ZNF365: variants seen among roughly 807,000 people sequenced by gnomAD.
ZNF365 encodes zinc finger protein 365.
Under a neutral mutation model 35.0 loss-of-function variants are expected in ZNF365, and 22 were observed. The ratio of observed to expected loss-of-function variants is 0.63; its 90% CI spans 0.45 to 0.90. ZNF365 has a LOEUF of 0.90. ZNF365 is among the 40% of genes least tolerant of loss of function. ZNF365 has a pLI of 0.00. For missense variants in ZNF365, 448 were observed against 500.3 expected (o/e 0.90, Z 1.00); for synonymous variants, 188 against 196.2 (o/e 0.96, Z 0.35).
At position 62,459,754 on chromosome 10, in the gene ZNF365, C is replaced by T. The variant is rs768046057; in HGVS notation, c.938C>T (p.Ala313Val). 2.5e-6 allele frequency: 4 copies of T among 1,610,324 alleles called. No homozygotes were observed. In the African/African-American group the frequency reaches 5.3e-5, roughly 22 times the overall value. ...TTTTCCTTTCAGAGCTGGAAAGGTG[C>T]TGGCGAAGCTCGCCTGGTGTGCCAA... is the stretch of plus-strand genomic sequence containing the variant. The change falls in exon 4 of 5, where the codon GCT (alanine) becomes GTT (valine). Residue 313 changes from alanine to valine, a missense_variant. Transcript: ENST00000395255.
intron 2 of ZNF365, among the ~76,000 whole-genome samples, chr10:62,378,075 C>T (rs867821638): frequency 7.9e-5 from 12 of 152,134 alleles, no homozygotes; most frequent in Non-Finnish European, 8.8e-5. Flanking sequence ...TTTTAAATTA[C>T]GTAGTTAGGA....
chr10:62,456,083 T>C (rs893991089), intron 3 of ZNF365, among the ~76,000 whole-genome samples: 2 of 152,174 alleles, frequency 1.3e-5, no homozygotes, highest in Non-Finnish European at 2.9e-5. Context: ...TTCAATCTAG[T>C]ACAGTAGCCA....
At chr10:62,434,721 A>G (rs1840381859) in intron 3 of ZNF365, among the ~76,000 whole-genome samples, 3 of 152,192 alleles carry the variant, frequency 2.0e-5, no homozygotes, top group Admixed American at 2.0e-4. Context: ...TCAGAACAAA[A>G]TTAGTGTTGT....
At chr10:62,476,671 A>C (rs1841137052) in intron 4 of ZNF365, among the ~76,000 whole-genome samples, 2 of 152,254 alleles carry the variant, frequency 1.3e-5, no homozygotes, top group African/African-American at 4.8e-5. Context: ...TCTAGAGAAA[A>C]AAGTGAAATG....
At chr10:62,404,083 C>G (rs1215602572), downstream of ZNF365, among the ~76,000 whole-genome samples, 2 of 152,006 alleles carry the variant, frequency 1.3e-5, no homozygotes, top group African/African-American at 4.8e-5. Flanking sequence ...AACTATAGCC[C>G]TATGTTAAAT....
At chr10:62,439,764 A>G (rs1186913248) in intron 3 of ZNF365, among the ~76,000 whole-genome samples, 1 of 152,142 alleles carries the variant, frequency 6.6e-6, no homozygotes, top group Non-Finnish European at 1.5e-5. Context: ...TATATCTTCT[A>G]TTACTTAATT....
intron 3 of ZNF365, among the ~76,000 whole-genome samples, chr10:62,435,884 C>A (rs1224931807): frequency 6.6e-6 from 1 of 152,126 alleles, no homozygotes; most frequent in African/African-American, 2.4e-5. Context: ...TAGCAAAAGA[C>A]TAGTTGTATA....
At chr10:62,467,846 C>T (rs1253456141) in intron 4 of ZNF365, among the ~76,000 whole-genome samples, 3 of 152,136 alleles carry the variant, frequency 2.0e-5, no homozygotes, top group African/African-American at 7.2e-5. Context: ...CTGTGGCACT[C>T]AGCTGCTCAG....
rs563249556 is a variant in ZNF365, at chr10:62,410,424, C to T, written c.924+21848C>T. ...TAGGGTACATGTGCAGGATTTGTTA[C>T]ACAGGTAAACATGTGCCATGGTGGT... On this transcript the variant is annotated intron_variant, in intron 3 of 4. Transcript: ENST00000395255. Among the ~76,000 whole-genome samples the T allele has an allele frequency of 8.5e-5, 13 of 152,246 alleles. No individual in the cohort carries two copies. In the East Asian group the frequency reaches 2.1e-3, roughly 25 times the overall value.
At chr10:62,410,574 T>C (rs1839970986) in intron 3 of ZNF365, among the ~76,000 whole-genome samples, 1 of 152,098 alleles carries the variant, frequency 6.6e-6, no homozygotes, top group South Asian at 2.1e-4. Flanking sequence ...TGTCTATGTG[T>C]TCATATTGTT....
At chr10:62,471,535 G>A (rs1384356755) in intron 4 of ZNF365, among the ~76,000 whole-genome samples, 2 of 152,162 alleles carry the variant, frequency 1.3e-5, no homozygotes, top group Non-Finnish European at 2.9e-5. Context: ...ACTTGGAATA[G>A]CGAAAGGCAG....
At chr10:62,435,346 C>G (rs1840391682) in intron 3 of ZNF365, among the ~76,000 whole-genome samples, 1 of 152,138 alleles carries the variant, frequency 6.6e-6, no homozygotes. Context: ...ACTTAACCTT[C>G]TGAATAATAC....
At chr10:62,404,725 T>A (rs184129916), downstream of ZNF365, among the ~76,000 whole-genome samples, 1 of 152,198 alleles carries the variant, frequency 6.6e-6, no homozygotes, top group African/African-American at 2.4e-5. Context: ...GGGTTGGGAA[T>A]TGGGCTGGGT....
intron 3 of ZNF365, among the ~76,000 whole-genome samples, chr10:62,431,472 A>G (rs1840332893): frequency 6.6e-6 from 1 of 152,054 alleles, no homozygotes; most frequent in Non-Finnish European, 1.5e-5. Context: ...TTTTTTTAAC[A>G]GCAACATAGT....
rs749539107 is a variant in ZNF365, at chr10:62,400,385, G to A, written c.*596G>A. 137 of 986,038 alleles carry A rather than the reference G, an allele frequency of 1.4e-4. No homozygotes were observed. Among genetic ancestry groups the A allele is most frequent in the Non-Finnish European group, 1.5e-4 (126 of 830,100 alleles). The allele number at this position is 986,038 out of a possible 1,614,324, so 61.1% of individuals were successfully genotyped here. A position where few individuals can be genotyped will look rare whatever the true frequency, so the allele number is the denominator to read the frequency against. On this transcript the variant is annotated 3_prime_UTR_variant, in exon 5 of 5. Coordinates refer to ENST00000395254, the MANE Select transcript of ZNF365 (RefSeq NM_014951.3). The stretch of plus-strand genomic sequence containing the variant: ...TCAGTCAGACTTCAGTTCTCATTCC[G>A]ACAGGGTGTCTTTCAGTTCGTTTGT...
At chr10:62,459,400 A>T (rs1840810432) in intron 3 of ZNF365, among the ~76,000 whole-genome samples, 1 of 152,258 alleles carries the variant, frequency 6.6e-6, no homozygotes, top group Non-Finnish European at 1.5e-5. Flanking sequence ...AATGCAGATC[A>T]TCAGGGGGAG....
In ZNF365 at chr10:62,376,496, G is replaced by C; in HGVS notation, c.303G>C (p.Leu101Phe). Reference sequence around the variant, plus strand: ...AGCAGAAACCGAGCTATGTTAACTTGTACAGCATTTCACATGAACATTCCA... The same window carrying C: ...AGCAGAAACCGAGCTATGTTAACTTCTACAGCATTTCACATGAACATTCCA... ...VVKQKPSYVN[L>F]YSISHEHSKD... Residue 101 changes from leucine (L) to phenylalanine (F), a missense_variant, in exon 2 of 5, where the codon TTG becomes TTC. Physicochemically the swap from Leu to Phe is conservative, Grantham distance 22 (BLOSUM62 0). This residue lies in a region of ZNF365 where 10 missense variants were observed against 27.9 expected (regional missense o/e 0.36). Coordinates refer to ENST00000395254, the MANE Select transcript of ZNF365 (RefSeq NM_014951.3). 1 of 1,614,126 alleles carries C rather than the reference G, an allele frequency of 6.2e-7. No homozygotes were observed. Among genetic ancestry groups the C allele is most frequent in the Non-Finnish European group, 8.5e-7 (1 of 1,180,032 alleles).
chr10:62,472,356 C>T (rs1841056138), intron 4 of ZNF365, among the ~76,000 whole-genome samples: 1 of 152,194 alleles, frequency 6.6e-6, no homozygotes, highest in Non-Finnish European at 1.5e-5. Flanking sequence ...CTCCCAATTC[C>T]TATGTCAAGG....
intron 3 of ZNF365, among the ~76,000 whole-genome samples, chr10:62,411,519 A>G (rs1041092532): frequency 6.6e-6 from 1 of 152,146 alleles, no homozygotes; most frequent in Non-Finnish European, 1.5e-5. Context: ...TTCTGGCACT[A>G]TTTATTAAAT....
Sources: allele counts gnomAD v4.1 joint callset (sites outside exome capture counted in the v4.1 genomes callset), GRCh38; gene constraint gnomAD v4.1.1; regional missense constraint gnomAD v4.1.1; transcripts MANE v1.5; gene names NCBI Gene and HGNC (gene_info 2026-07-23, HGNC 2026-07-21).